The following GPC6 variants were observed in gnomAD, a reference collection of about 807,000 sequenced individuals.
GPC6 encodes the protein glypican 6, also known as glypican-6.
A neutral mutation model predicts 55.2 loss-of-function variants in GPC6; 14 were observed. That is an observed-to-expected ratio of 0.25 (90% CI 0.17 to 0.40). The LOEUF is 0.40. Among genes scored for constraint, GPC6 ranks in the 10% least tolerant of loss-of-function variants. The pLI is 1.00. For missense variants in GPC6, 641 were observed against 708.5 expected, an observed-to-expected ratio of 0.90 and a Z score of 1.08; for synonymous variants, 278 against 259.6, an observed-to-expected ratio of 1.07 and a Z score of -0.68.
chr13:93,489,600 T>C (rs1411299910), intron 1 of GPC6, among the ~76,000 whole-genome samples: 1 of 151,622 alleles, frequency 6.6e-6, no homozygotes, highest in African/African-American at 2.4e-5. Flanking sequence ...TTCCTATCCA[T>C]GAGCATGGAA....
intron 3 of GPC6, among the ~76,000 whole-genome samples, chr13:93,965,346 G>A (rs575868351): frequency 6.6e-6 from 1 of 152,110 alleles, no homozygotes; most frequent in South Asian, 2.1e-4. Context: ...GGGAGGTGGA[G>A]CTTTCAGTGA....
intron 2 of GPC6, among the ~76,000 whole-genome samples, chr13:93,579,822 T>C (rs1212122419): frequency 6.6e-6 from 1 of 152,090 alleles, no homozygotes; most frequent in Non-Finnish European, 1.5e-5. Context: ...TGGTAATAGA[T>C]TGGAAGTAAA....
chr13:94,352,299 C>G (rs1443615564), intron 6 of GPC6, among the ~76,000 whole-genome samples: 2 of 151,814 alleles, frequency 1.3e-5, no homozygotes, highest in Admixed American at 6.6e-5. Flanking sequence ...CACCTTAACC[C>G]CAAATGCTAC....
intron 4 of GPC6, among the ~76,000 whole-genome samples, chr13:94,103,215 C>A (rs539937851): frequency 1.3e-5 from 2 of 152,310 alleles, no homozygotes; most frequent in East Asian, 1.9e-4. Context: ...AGGACATGAA[C>A]TCATCCTTTT....
chr13:93,763,728 T>C (rs868320470), intron 2 of GPC6, among the ~76,000 whole-genome samples: 3 of 152,174 alleles, frequency 2.0e-5, no homozygotes, highest in South Asian at 4.1e-4. Flanking sequence ...TTATCTGCTT[T>C]CCCCCAATAA....
At chr13:93,533,412 A>T (rs1594242400) in intron 1 of GPC6, among the ~76,000 whole-genome samples, 2 of 152,202 alleles carry the variant, frequency 1.3e-5, no homozygotes, top group African/African-American at 4.8e-5. Flanking sequence ...GCACCAGATG[A>T]ACAAACTGTA....
At chr13:93,421,701 C>G (rs551501574) in intron 1 of GPC6, among the ~76,000 whole-genome samples, 1 of 151,710 alleles carries the variant, frequency 6.6e-6, no homozygotes, top group South Asian at 2.1e-4. Flanking sequence ...TTAATGGAAG[C>G]AGGTGGAAAA....
intron 3 of GPC6, among the ~76,000 whole-genome samples, chr13:93,878,497 G>A (rs1320108160): frequency 1.3e-5 from 2 of 152,030 alleles, no homozygotes; most frequent in African/African-American, 4.8e-5. Flanking sequence ...TCCTGCCTCA[G>A]CCTCCCGAGT....
chr13:93,812,143 G>T (rs1443254759), intron 2 of GPC6, among the ~76,000 whole-genome samples: 2 of 41,384 alleles, frequency 4.8e-5, no homozygotes, highest in Non-Finnish European at 8.1e-5. Flanking sequence ...GCAAGGCGGT[G>T]GGGGGGGGGG....
chr13:93,249,364 A>C (rs1441388815), intron 1 of GPC6, among the ~76,000 whole-genome samples: 1 of 152,244 alleles, frequency 6.6e-6, no homozygotes, highest in Non-Finnish European at 1.5e-5. Flanking sequence ...TTTAACATTT[A>C]GAATTGTATC....
intron 1 of GPC6, among the ~76,000 whole-genome samples, chr13:93,495,617 C>A (rs1005083686): frequency 1.9e-5 from 2 of 104,046 alleles, no homozygotes; most frequent in African/African-American, 7.2e-5. Context: ...TTAGAGTTTC[C>A]AGTTTTTCTG....
At chr13:93,362,374 G>A (rs1881071291) in intron 1 of GPC6, among the ~76,000 whole-genome samples, 1 of 152,078 alleles carries the variant, frequency 6.6e-6, no homozygotes, top group Admixed American at 6.5e-5. Context: ...TACAGTATTA[G>A]TACCCATAAA....
chr13:93,624,451 TA>T (rs1217770391), intron 2 of GPC6, among the ~76,000 whole-genome samples: 4 of 152,248 alleles, frequency 2.6e-5, no homozygotes, highest in African/African-American at 9.6e-5. Flanking sequence ...TGTGTTATCT[TA>T]AACTTGGTTT....
intron 1 of GPC6, among the ~76,000 whole-genome samples, chr13:93,444,338 G>A (rs1021051217): frequency 2.6e-5 from 4 of 151,994 alleles, no homozygotes; most frequent in Non-Finnish European, 2.9e-5. Context: ...CCCTGGCGCC[G>A]TGTCTCACGG....
At chr13:94,337,669 A>C (rs1466654243) in intron 6 of GPC6, among the ~76,000 whole-genome samples, 2 of 152,044 alleles carry the variant, frequency 1.3e-5, no homozygotes, top group East Asian at 3.9e-4. Flanking sequence ...GCTGGTCTTG[A>C]TCTCCCGACC....
At chr13:94,373,146 A>G (rs1000723444) in intron 6 of GPC6, among the ~76,000 whole-genome samples, 1 of 152,162 alleles carries the variant, frequency 6.6e-6, no homozygotes, top group Non-Finnish European at 1.5e-5. Flanking sequence ...AAACTCTAAA[A>G]AGCAGAGCGC....
intron 3 of GPC6, among the ~76,000 whole-genome samples, chr13:93,841,305 T>C (rs1887945954): frequency 6.6e-6 from 1 of 152,284 alleles, no homozygotes; most frequent in South Asian, 2.1e-4. Flanking sequence ...CATCCTAACA[T>C]TTTTAAAAAT....
rs116323947 is a variant in GPC6, at chr13:93,688,623, T to A, written c.320-141531T>A. Among the ~76,000 whole-genome samples the A allele has an allele frequency of 7.9e-3, 1,196 of 152,072 alleles. 14 individuals carry two copies. The highest frequency in any genetic ancestry group is 0.027 in the African/African-American group (1,109 of 41,516). Reference sequence around the variant, plus strand: ...AGGAAATTATGACAACATCCTACAATGTGGATGAATCTTGAAAATATTATT... The same window carrying A: ...AGGAAATTATGACAACATCCTACAAAGTGGATGAATCTTGAAAATATTATT... On this transcript the variant is annotated intron_variant, in intron 2 of 8. Coordinates refer to ENST00000377047, the MANE Select transcript of GPC6 (RefSeq NM_005708.5).
At chr13:94,344,848 A>ACTT (rs1349735050) in intron 6 of GPC6, among the ~76,000 whole-genome samples, 1 of 152,240 alleles carries the variant, frequency 6.6e-6, no homozygotes, top group East Asian at 1.9e-4. Flanking sequence ...AGCCCATGGT[A>ACTT]CTTATTCAAT....
Sources: gnomAD v4.1 joint callset for allele counts (sites outside exome capture counted in the v4.1 genomes callset) on GRCh38, gnomAD v4.1.1 for gene constraint, MANE v1.5 for transcripts, NCBI Gene and HGNC (gene_info 2026-07-23, HGNC 2026-07-21) for gene names.